Variants in DNAJB8 observed in about 807,000 individuals in gnomAD.
DNAJB8 encodes DnaJ heat shock protein family (Hsp40) member B8, also known as dnaJ homolog subfamily B member 8.
For synonymous variants in DNAJB8, 127 were observed against 127.1 expected (o/e 1.00, Z 0.00); for missense variants, 354 against 318.9 (o/e 1.11, Z -0.84).
intron 2 of DNAJB8, 77 bp downstream of exon 2, chr3:128,465,199 C>T (rs539081430): frequency 6.6e-6 from 1 of 152,398 alleles, no homozygotes; most frequent in South Asian, 2.1e-4. Context: ...TAAACCCAGC[C>T]TCCAGTGACC....
In DNAJB8 at chr3:128,463,425, A is replaced by C; in HGVS notation, c.-180T>G. 1.7e-6 allele frequency: 1 copy of C among 575,428 alleles called. No individual in the cohort carries two copies. 35.6% of individuals were successfully genotyped at this position (575,428 alleles called of 1,614,324 possible). A position where few individuals can be genotyped will look rare whatever the true frequency, so the allele number is the denominator to read the frequency against. ...AGGAGTTCACCTTTTCGTAGTACCA[A>C]TTCTCAGGGACTGGAGGGGCCCCCA... On this transcript the variant is annotated 5_prime_UTR_variant, in exon 3 of 3. Coordinates refer to ENST00000319153, the MANE Select transcript of DNAJB8 (RefSeq NM_153330.6).
Position 128,463,294 on chromosome 3 carries a change from G to C in DNAJB8, c.-49C>G, listed in dbSNP as rs772123181. 6.6e-7 allele frequency: 1 copy of C among 1,525,036 alleles called. No individual in the cohort carries two copies. 94.5% of individuals were successfully genotyped at this position (1,525,036 alleles called of 1,614,324 possible). A position where few individuals can be genotyped will look rare whatever the true frequency, so the allele number is the denominator to read the frequency against. ...GAGGGAACGTGGAGGCCAGGTGGGC[G>C]CAGGGGCCCAGCTGGTCAGATGGAC... On this transcript the variant is annotated 5_prime_UTR_variant, in exon 3 of 3. Coordinates refer to ENST00000319153, the MANE Select transcript of DNAJB8 (RefSeq NM_153330.6).
rs201659373 is a variant in DNAJB8 at position 128,463,061 on chromosome 3, C to G, written c.185G>C (p.Arg62Pro). Residue 62 changes from arginine to proline, a missense_variant, in exon 3 of 3, where the codon CGC becomes CCC. By Grantham distance (103) the Arg-to-Pro change is moderately radical. Coordinates refer to ENST00000319153, the MANE Select transcript of DNAJB8 (RefSeq NM_153330.6). The stretch of plus-strand genomic sequence containing the variant: ...ACAGCCAGCACGGTCATACAGGGAG[C>G]GTTTCTTGGAGTCAGACAGAACCTC... ...AYEVLSDSKK[R>P]SLYDRAGCDS... 3 of 1,614,084 alleles carry G rather than the reference C, an allele frequency of 1.9e-6. No homozygotes were observed. Among genetic ancestry groups the G allele is most frequent in the South Asian group, 2.2e-5 (2 of 91,086 alleles).
rs1372689346 is a variant in DNAJB8, at chr3:128,463,070, G to T, written c.176C>A (p.Ser59Tyr). 3.7e-6 allele frequency: 6 copies of T among 1,614,210 alleles called. No individual in the cohort carries two copies. The highest frequency in any genetic ancestry group is 3.3e-5 in the South Asian group (3 of 91,086). The stretch of plus-strand genomic sequence containing the variant: ...ACGGTCATACAGGGAGCGTTTCTTG[G>T]AGTCAGACAGAACCTCATAGGCCTC... ...VSEAYEVLSD[S>Y]KKRSLYDRAG... The change falls in exon 3 of 3, where the codon TCC becomes TAC. Residue 59 changes from serine to tyrosine, a missense_variant. Transcript: ENST00000319153.
In DNAJB8 at chr3:128,465,256, C is replaced by A. The variant is rs2068503851; in HGVS notation, c.-866+20G>T. 6.6e-6 allele frequency: 1 copy of A among 152,314 alleles called. No individual in the cohort carries two copies. The highest frequency in any genetic ancestry group is 2.4e-5 in the African/African-American group (1 of 41,438). The allele number at this position is 152,314 out of a possible 1,614,324, so 9.4% of individuals were successfully genotyped here. ...TTATCAAAAGCACGACTCGCACCCC[C>A]ATGCTGGGCATCCACCCACCTACAC... On this transcript the variant is annotated intron_variant, in intron 2 of 2. Coordinates refer to ENST00000319153, the MANE Select transcript of DNAJB8 (RefSeq NM_153330.6).
rs1159881030 is a variant in DNAJB8, at chr3:128,463,288, G to A, written c.-43C>T. The A allele has an allele frequency of 9.7e-6, 15 of 1,551,866 alleles. No homozygotes were observed. Among genetic ancestry groups the A allele is most frequent in the East Asian group, 4.5e-5 (2 of 44,346 alleles). On this transcript the variant is annotated 5_prime_UTR_variant, in exon 3 of 3. Coordinates refer to ENST00000319153, the MANE Select transcript of DNAJB8 (RefSeq NM_153330.6). ...AGAGGAGAGGGAACGTGGAGGCCAG[G>A]TGGGCGCAGGGGCCCAGCTGGTCAG...
rs534460713 is a variant in DNAJB8 at position 128,463,002 on chromosome 3, G to A, written c.244C>T (p.Pro82Ser). The A allele has an allele frequency of 4.5e-4, 719 of 1,614,174 alleles. 5 individuals are homozygous for A. The South Asian group carries it at 7.6e-3, about 17-fold the overall frequency. ...CCGGTGTCGAAGGGGCTGTGGTAGG[G>A]CGTGCTGGCCCCGCCACCAGCCCGC... The part of the protein sequence containing the change: ...SWRAGGGAST[P>S]YHSPFDTGYT... The change falls in exon 3 of 3, where the codon CCC becomes TCC. Residue 82 changes from proline to serine, a missense_variant. By Grantham distance (74) the Pro-to-Ser change is moderately conservative. Transcript: ENST00000319153.
intron 2 of DNAJB8, among the ~76,000 whole-genome samples, chr3:128,464,329 C>T (rs940613905): frequency 6.6e-6 from 1 of 152,164 alleles, no homozygotes; most frequent in Non-Finnish European, 1.5e-5. Context: ...GACACATGTC[C>T]GTATAGGAGA....
Position 128,462,797 on chromosome 3 carries a change from G to A in DNAJB8, c.449C>T (p.Ser150Phe). The change falls in exon 3 of 3, where the codon TCC becomes TTC. Residue 150 changes from serine (S) to phenylalanine (F), a missense_variant. Transcript: ENST00000319153. ...CCCGCTGCAGCCCAGCATGTTGAAG[G>A]ATGAGAAGGCCTCCATGAAGGCCGG... ...EFPAFMEAFS[S>F]FNMLGCSGGS... 1 of 1,614,110 alleles carries A rather than the reference G, an allele frequency of 6.2e-7. No individual in the cohort carries two copies. The highest frequency in any genetic ancestry group is 1.3e-5 in the African/African-American group (1 of 75,034).
chr3:128,464,406 G>A (rs888897199), intron 2 of DNAJB8, among the ~76,000 whole-genome samples: 6 of 152,214 alleles, frequency 3.9e-5, no homozygotes, highest in Non-Finnish European at 7.3e-5. Context: ...GAGGGAGTGC[G>A]GCCCCACTAA....
chr3:128,464,516 G>A (rs752776886), intron 2 of DNAJB8, among the ~76,000 whole-genome samples: 1 of 152,290 alleles, frequency 6.6e-6, no homozygotes, highest in African/African-American at 2.4e-5. Context: ...CCTAGAAAAC[G>A]AATCAGGTGA....
In DNAJB8 at chr3:128,462,772, C is replaced by G. The variant is rs760272118; in HGVS notation, c.474G>C (p.Gly158=). Residue 158 remains glycine (G), a synonymous_variant, in exon 3 of 3, where the codon GGG becomes GGC. Coordinates refer to ENST00000319153, the MANE Select transcript of DNAJB8 (RefSeq NM_153330.6). ...TGGATGAGAAGGTGGTGTGGCTGCC[C>G]CCGCTGCAGCCCAGCATGTTGAAGG... ...FSSFNMLGCS[G]GSHTTFSSTS... The G allele has an allele frequency of 2.5e-6, 4 of 1,613,994 alleles. No homozygotes were observed. Among genetic ancestry groups the G allele is most frequent in the African/African-American group, 2.7e-5 (2 of 74,910 alleles).
chr3:128,465,448 G>A lies in DNAJB8; in HGVS notation c.-1026-12C>T, dbSNP rs2068505447. Reference sequence around the variant, plus strand: ...TTGCAGGCTTGTTCCTGGGGCGGGAGAAAGATGCTTGCCCTGCACAGTTCT... The same window carrying A: ...TTGCAGGCTTGTTCCTGGGGCGGGAAAAAGATGCTTGCCCTGCACAGTTCT... On this transcript the variant is annotated splice_polypyrimidine_tract_variant and intron_variant, in intron 1 of 2. Transcript: ENST00000319153. The A allele has an allele frequency of 6.6e-6, 1 of 152,398 alleles. No homozygotes were observed. Among genetic ancestry groups the A allele is most frequent in the Admixed American group, 6.5e-5 (1 of 15,284 alleles). 9.4% of individuals were successfully genotyped at this position (152,398 alleles called of 1,614,324 possible).
chr3:128,463,293 C>A lies in DNAJB8; in HGVS notation c.-48G>T, dbSNP rs748306517. The A allele has an allele frequency of 3.3e-6, 5 of 1,537,946 alleles. No homozygotes were observed. Among genetic ancestry groups the A allele is most frequent in the Middle Eastern group, 1.8e-4 (1 of 5,600 alleles). On this transcript the variant is annotated 5_prime_UTR_variant, in exon 3 of 3. Transcript: ENST00000319153. ...AGAGGGAACGTGGAGGCCAGGTGGG[C>A]GCAGGGGCCCAGCTGGTCAGATGGA...
chr3:128,466,603 A>G lies in DNAJB8; in HGVS notation c.-1027+11T>C, dbSNP rs1261493092. On this transcript the variant is annotated intron_variant, in intron 1 of 2. Coordinates refer to ENST00000319153, the MANE Select transcript of DNAJB8 (RefSeq NM_153330.6). The stretch of plus-strand genomic sequence containing the variant: ...CTGTATTTTCTGTTGCTAACTTGGC[A>G]TTACACCAACCTCTTCCATGGTCTC... 6.6e-6 allele frequency: 1 copy of G among 152,350 alleles called. No individual in the cohort carries two copies. Among genetic ancestry groups the G allele is most frequent in the Non-Finnish European group, 1.5e-5 (1 of 68,052 alleles). The allele number at this position is 152,350 out of a possible 1,614,324, so 9.4% of individuals were successfully genotyped here. A position where few individuals can be genotyped will look rare whatever the true frequency, so the allele number is the denominator to read the frequency against.
At chr3:128,465,643 T>A (rs941610487) in intron 1 of DNAJB8, 1 of 150,760 alleles carries the variant, frequency 6.6e-6, no homozygotes, top group African/African-American at 2.5e-5. Flanking sequence ...AGGGGGAGAG[T>A]AATTATGGGT....
chr3:128,463,058 G>C lies in DNAJB8; in HGVS notation c.188C>G (p.Ser63Cys), dbSNP rs1440783343. 4 of 1,614,228 alleles carry C rather than the reference G, an allele frequency of 2.5e-6. 1 individual carries two copies. The highest frequency in any genetic ancestry group is 3.4e-6 in the Non-Finnish European group (4 of 1,180,038). The change falls in exon 3 of 3, where the codon TCC (serine) becomes TGC (cysteine). Residue 63 changes from serine (S) to cysteine (C), a missense_variant. Physicochemically the swap from Ser to Cys is moderately radical, Grantham distance 112. Coordinates refer to ENST00000319153, the MANE Select transcript of DNAJB8 (RefSeq NM_153330.6). ...YEVLSDSKKR[S>C]LYDRAGCDSW... ...GTCACAGCCAGCACGGTCATACAGG[G>C]AGCGTTTCTTGGAGTCAGACAGAAC...
At chr3:128,466,499 G>C (rs955186744) in intron 1 of DNAJB8, 115 bp downstream of exon 1, 2 of 152,684 alleles carry the variant, frequency 1.3e-5, no homozygotes, top group Admixed American at 6.5e-5. Context: ...GGGGGGTGCC[G>C]AGGGGTGAGA....
In DNAJB8 at chr3:128,462,653, C is replaced by T. The variant is rs925384742; in HGVS notation, c.593G>A (p.Arg198His). 1.2e-5 allele frequency: 20 copies of T among 1,613,916 alleles called. No homozygotes were observed. Among genetic ancestry groups the T allele is most frequent in the African/African-American group, 2.7e-5 (2 of 74,976 alleles). The stretch of plus-strand genomic sequence containing the variant: ...GCGCTCCTGCCCGTTCTCCACGATG[C>T]GCTTGGTGGTGACCTTGTGGCCATT... ...MINGHKVTTK[R>H]IVENGQERVE... The change falls in exon 3 of 3, where the codon CGC becomes CAC. Residue 198 changes from arginine to histidine, a missense_variant. Coordinates refer to ENST00000319153, the MANE Select transcript of DNAJB8 (RefSeq NM_153330.6).
Sources: allele counts gnomAD v4.1 joint callset (sites outside exome capture counted in the v4.1 genomes callset), GRCh38; gene constraint gnomAD v4.1.1; transcripts MANE v1.5; gene names NCBI Gene and HGNC (gene_info 2026-07-23, HGNC 2026-07-21).